S100A10: variants seen among roughly 807,000 people sequenced by gnomAD.
The protein encoded by S100A10 is S100 calcium binding protein A10.
In S100A10, 3 loss-of-function variants were observed where a neutral mutation model predicts 7.1. The ratio of observed to expected loss-of-function variants is 0.42; its 90% CI spans 0.19 to 1.10. The LOEUF (loss-of-function observed/expected upper bound fraction) is 1.10, where lower values mean the gene tolerates loss of function less well. Among genes scored for constraint, S100A10 ranks in the 50% least tolerant of loss-of-function variants. The probability of loss-of-function intolerance (pLI) is 0.29; values close to 1 mark genes in which losing one functional copy is unlikely to be tolerated. For missense variants in S100A10, 101 were observed against 118.1 expected, an observed-to-expected ratio of 0.86 and a Z score of 0.67; for synonymous variants, 41 against 39.3, an observed-to-expected ratio of 1.04 and a Z score of -0.16.
chr1:151,982,989 G>C lies in S100A10; in HGVS notation c.*174C>G. 4.3e-6 allele frequency: 2 copies of C among 468,958 alleles called. No homozygotes were observed. The highest frequency in any genetic ancestry group is 7.5e-6 in the Non-Finnish European group (2 of 267,250). 29.0% of individuals were successfully genotyped at this position (468,958 alleles called of 1,614,324 possible). Reference sequence around the variant, plus strand: ...AATACAAAAATCAAAAGCTTATCTGGTATTTAACTTTTCTTTCTCTGCTTG... The same window carrying C: ...AATACAAAAATCAAAAGCTTATCTGCTATTTAACTTTTCTTTCTCTGCTTG... On this transcript the variant is annotated 3_prime_UTR_variant, in exon 3 of 3. Coordinates refer to ENST00000368811, the MANE Select transcript of S100A10 (RefSeq NM_002966.3).
chr1:151,987,538 CTTT>C (rs11383937), intron 1 of S100A10, among the ~76,000 whole-genome samples: 4 of 116,308 alleles, frequency 3.4e-5, no homozygotes, highest in South Asian at 2.8e-4. Context: ...TATATGTATT[CTTT>C]TTTTTTTTTT....
Position 151,986,241 on chromosome 1 carries a change from T to A in S100A10, c.-11A>T. The A allele has an allele frequency of 1.2e-6, 2 of 1,600,760 alleles. No homozygotes were observed. The highest frequency in any genetic ancestry group is 1.7e-6 in the Non-Finnish European group (2 of 1,175,670). On this transcript the variant is annotated 5_prime_UTR_variant, in exon 2 of 3. Coordinates refer to ENST00000368811, the MANE Select transcript of S100A10 (RefSeq NM_002966.3). ...CATTTGAGATGGCATTTTGGTGTGG[T>A]CCGTTGAAGCCTATTAAAGGATGTA...
chr1:151,993,082 G>C lies in S100A10; in HGVS notation c.-22+670C>G, dbSNP rs1187085240. The stretch of plus-strand genomic sequence containing the variant: ...AGACAGCAAGGGAACCCTTTCAGTA[G>C]AGAAACCACGTCACACAGGGCCCTC... On this transcript the variant is annotated intron_variant, in intron 1 of 2. Coordinates refer to ENST00000368811, the MANE Select transcript of S100A10 (RefSeq NM_002966.3). The surrounding 1 kb of genome is among the most constrained non-coding windows in gnomAD (Gnocchi z 5.1). 1.3e-5 allele frequency among the ~76,000 whole-genome samples: 2 copies of C among 152,144 alleles called. No individual in the cohort carries two copies. The highest frequency in any genetic ancestry group is 4.8e-5 in the African/African-American group (2 of 41,414).
chr1:151,983,350 G>C, intron 2 of S100A10, 26 bp from the exon 3 acceptor site: 1 of 1,482,310 alleles, frequency 6.7e-7, no homozygotes, highest in Non-Finnish European at 9.0e-7. Flanking sequence ...ACAAAGGCAA[G>C]AAATAGAAGT....
At chr1:151,986,301 A>G in intron 1 of S100A10, 50 bp from the exon 2 acceptor site, 2 of 1,257,038 alleles carry the variant, frequency 1.6e-6, no homozygotes. Context: ...TTTTTGGCAG[A>G]CTTTATGCAT....
At chr1:151,984,821 A>C (rs930505401) in intron 2 of S100A10, among the ~76,000 whole-genome samples, 3 of 152,162 alleles carry the variant, frequency 2.0e-5, no homozygotes, top group African/African-American at 7.2e-5. Context: ...AGCCCTCTCT[A>C]ATTTTACAGG....
intron 1 of S100A10, among the ~76,000 whole-genome samples, chr1:151,990,629 G>A (rs911977779): frequency 1.3e-5 from 2 of 152,166 alleles, no homozygotes; most frequent in South Asian, 2.1e-4. Context: ...CCCTCCCTGA[G>A]CACCTACTTT....
At chr1:151,987,221 G>A (rs1359506893) in intron 1 of S100A10, among the ~76,000 whole-genome samples, 1 of 151,822 alleles carries the variant, frequency 6.6e-6, no homozygotes, top group Non-Finnish European at 1.5e-5. Context: ...GAGCAGGCTG[G>A]TCTCAAACTC....
At chr1:151,988,757 T>C (rs1333738994) in intron 1 of S100A10, among the ~76,000 whole-genome samples, 1 of 152,060 alleles carries the variant, frequency 6.6e-6, no homozygotes, top group Non-Finnish European at 1.5e-5. Flanking sequence ...CCATCCCTCA[T>C]ATGGGTTTCA....
At chr1:151,989,065 G>C (rs1245552987) in intron 1 of S100A10, among the ~76,000 whole-genome samples, 1 of 152,204 alleles carries the variant, frequency 6.6e-6, no homozygotes, top group East Asian at 1.9e-4. Flanking sequence ...GCAGAATTAA[G>C]AAAGGGAATG....
chr1:151,990,212 C>A (rs548122668), intron 1 of S100A10, among the ~76,000 whole-genome samples: 1 of 152,144 alleles, frequency 6.6e-6, no homozygotes, highest in East Asian at 1.9e-4. Context: ...CAACTATGAA[C>A]GGAACAGTAG....
intron 2 of S100A10, among the ~76,000 whole-genome samples, chr1:151,983,903 T>C (rs945227296): frequency 3.9e-5 from 6 of 152,102 alleles, no homozygotes; most frequent in Admixed American, 2.6e-4. Context: ...TTTCATTCTT[T>C]GAGTTGGTAA....
At position 151,986,187 on chromosome 1, in the gene S100A10, G is replaced by A; in HGVS notation, c.44C>T (p.Thr15Ile). ...TTTATCCCCAGCGAATTTGTGAAAT[G>A]TAAACATCATGGTTTCCATGGCGTG... ...MEHAMETMMF[T>I]FHKFAGDKGY... The change falls in exon 2 of 3, where the codon ACA becomes ATA. Residue 15 changes from threonine (T) to isoleucine (I), a missense_variant. Coordinates refer to ENST00000368811, the MANE Select transcript of S100A10 (RefSeq NM_002966.3). The A allele has an allele frequency of 6.2e-7, 1 of 1,608,588 alleles. No individual in the cohort carries two copies. Among genetic ancestry groups the A allele is most frequent in the Non-Finnish European group, 8.5e-7 (1 of 1,178,290 alleles).
intron 1 of S100A10, 90 bp from the exon 2 acceptor site, chr1:151,986,341 A>G (rs1655791550): frequency 1.1e-6 from 1 of 920,056 alleles, no homozygotes; most frequent in Non-Finnish European, 1.6e-6. Flanking sequence ...TGAAAGATAA[A>G]ATTGTATGTA....
intron 1 of S100A10, among the ~76,000 whole-genome samples, chr1:151,986,821 C>A (rs1312792404): frequency 6.6e-6 from 1 of 152,154 alleles, no homozygotes; most frequent in East Asian, 1.9e-4. Flanking sequence ...GAGATTAGAT[C>A]ATCCATCTGA....
intron 1 of S100A10, among the ~76,000 whole-genome samples, chr1:151,987,414 A>G (rs1490983238): frequency 6.6e-6 from 1 of 152,162 alleles, no homozygotes; most frequent in Non-Finnish European, 1.5e-5. Context: ...CAATCCACAC[A>G]GTCAAGTCTG....
At chr1:151,989,655 A>G (rs1188630504) in intron 1 of S100A10, among the ~76,000 whole-genome samples, 1 of 152,220 alleles carries the variant, frequency 6.6e-6, no homozygotes, top group African/African-American at 2.4e-5. Context: ...CTCTTGTCTG[A>G]GTGCAGCCAA....
intron 1 of S100A10, among the ~76,000 whole-genome samples, chr1:151,991,739 G>T (rs1655908990): frequency 6.6e-6 from 1 of 152,144 alleles, no homozygotes; most frequent in African/African-American, 2.4e-5. Flanking sequence ...CGCTTTAAAA[G>T]ACTGGACTGT....
rs1655939976 is a variant in S100A10, at chr1:151,993,050, CTTA to C, written c.-22+699_-22+701del. ...CTTCCTCCATCTCTTTCTGGTTCCA[CTTA>C]TTAAGACAGCAAGGGAACCCTTTCA... On this transcript the variant is annotated intron_variant, in intron 1 of 2. Transcript: ENST00000368811. The surrounding 1 kb of genome is among the most constrained non-coding windows in gnomAD (Gnocchi z 5.1). 1.3e-5 allele frequency among the ~76,000 whole-genome samples: 2 copies of C among 152,224 alleles called. No homozygotes were observed. The highest frequency in any genetic ancestry group is 2.9e-5 in the Non-Finnish European group (2 of 68,026).
Sources: gnomAD v4.1 joint callset for allele counts (sites outside exome capture counted in the v4.1 genomes callset) on GRCh38, gnomAD v4.1.1 for gene constraint, Gnocchi (gnomAD v3.1) non-coding constraint, MANE v1.5 for transcripts, NCBI Gene and HGNC (gene_info 2026-07-23, HGNC 2026-07-21) for gene names.